The following SPATA9 variants were observed in gnomAD, a reference collection of about 807,000 sequenced individuals.
SPATA9 encodes spermatogenesis associated 9.
A neutral mutation model predicts 25.5 loss-of-function variants in SPATA9; 27 were observed. The observed-to-expected ratio is 1.06, with a 90% CI of 0.78 to 1.46. The LOEUF is 1.46. Ranked by LOEUF, SPATA9 falls within the 40% of genes most tolerant of loss-of-function variation. The probability of loss-of-function intolerance (pLI) is 0.00; values close to 1 mark genes in which losing one functional copy is unlikely to be tolerated. For synonymous variants in SPATA9, 102 were observed against 105.7 expected, an observed-to-expected ratio of 0.97 and a Z score of 0.21; for missense variants, 282 against 297.5, an observed-to-expected ratio of 0.95 and a Z score of 0.38.
the SPATA9 span, among the ~76,000 whole-genome samples, chr5:95,713,887 GT>G: frequency 1.0e-3 from 154 of 151,568 alleles, 4 homozygotes; most frequent in Middle Eastern, 0.014. Flanking sequence ...AATATTTATT[GT>G]TTTATATGCA....
intron 1 of SPATA9, among the ~76,000 whole-genome samples, chr5:95,696,487 C>A (rs1754025182): frequency 6.6e-6 from 1 of 152,056 alleles, no homozygotes; most frequent in Non-Finnish European, 1.5e-5. Flanking sequence ...TAAAGAAAAT[C>A]CTGCTTCACA....
downstream of SPATA9, chr5:95,652,306 C>T: frequency 6.4e-7 from 1 of 1,551,012 alleles, no homozygotes; most frequent in South Asian, 1.2e-5. Context: ...CTTAGACCTT[C>T]TTCCTTATCT....
the SPATA9 span, among the ~76,000 whole-genome samples, chr5:95,724,685 C>T: frequency 1.3e-5 from 2 of 152,098 alleles, no homozygotes; most frequent in African/African-American, 4.8e-5. Flanking sequence ...AGGCTGGTTT[C>T]GAACGCCTGA....
chr5:95,696,861 G>GAAACA (rs1054128978), intron 1 of SPATA9, among the ~76,000 whole-genome samples: 1 of 152,090 alleles, frequency 6.6e-6, no homozygotes, highest in African/African-American at 2.4e-5. Context: ...GTCTCCAAGT[G>GAAACA]AAACAAAACA....
the SPATA9 span, chr5:95,731,868 C>T: frequency 2.7e-5 from 44 of 1,612,890 alleles, no homozygotes; most frequent in South Asian, 4.6e-4. Context: ...GGTCCATCCA[C>T]ATCGTGGCGC....
In SPATA9 at chr5:95,675,885, G is replaced by A. The variant is rs10076466; in HGVS notation, c.151-246C>T. On this transcript the variant is annotated intron_variant, in intron 2 of 4. Coordinates refer to ENST00000274432, the MANE Select transcript of SPATA9 (RefSeq NM_031952.4). The stretch of plus-strand genomic sequence containing the variant: ...GGCCCAGGCTGGAGTGCAATGGCAC[G>A]ATCTCAGCTCACTGCAACCTCTGCC... Among the ~76,000 whole-genome samples the A allele has an allele frequency of 4.4e-3, 614 of 140,372 alleles. 7 individuals carry two copies. The highest frequency in any genetic ancestry group is 0.016 in the African/African-American group (584 of 36,818). The allele number at this position is 140,372 out of a possible 152,430, so 92.1% of individuals were successfully genotyped here.
At position 95,659,913 on chromosome 5, in the gene SPATA9, A is replaced by G. The variant is rs7736839; in HGVS notation, c.475-1000T>C. ...TTTTTGGAAAAGTTTTTCCTCCTAT[A>G]TAGACTGTCTTTTCCCTCTACCTAT... On this transcript the variant is annotated intron_variant, in intron 4 of 4. Coordinates refer to ENST00000274432, the MANE Select transcript of SPATA9 (RefSeq NM_031952.4). 1.7e-3 allele frequency among the ~76,000 whole-genome samples: 264 copies of G among 152,298 alleles called. 1 individual carries two copies. Among genetic ancestry groups the G allele is most frequent in the African/African-American group, 6.1e-3 (254 of 41,558 alleles).
intron 3 of SPATA9, among the ~76,000 whole-genome samples, chr5:95,667,506 T>TAGCA (rs1751940130): frequency 6.6e-6 from 1 of 152,206 alleles, no homozygotes; most frequent in South Asian, 2.1e-4. Context: ...AAGCAGCTGC[T>TAGCA]GCTTTTTCTC....
downstream of SPATA9, chr5:95,653,973 G>T: frequency 9.5e-7 from 1 of 1,049,688 alleles, no homozygotes; most frequent in Non-Finnish European, 1.4e-6. Flanking sequence ...TGAAAAGTCC[G>T]AACTATTCAT....
intron 2 of SPATA9, among the ~76,000 whole-genome samples, chr5:95,680,494 C>T (rs1339208919): frequency 6.6e-6 from 1 of 152,124 alleles, no homozygotes; most frequent in Non-Finnish European, 1.5e-5. Flanking sequence ...CTTTTTCTCT[C>T]CACTTCAATG....
chr5:95,656,061 C>G, downstream of SPATA9: 1 of 1,613,382 alleles, frequency 6.2e-7, no homozygotes, highest in Non-Finnish European at 8.5e-7. Context: ...TGATGGACGA[C>G]CGTGTATAGT....
chr5:95,679,569 G>A (rs1035951967), intron 2 of SPATA9, among the ~76,000 whole-genome samples: 2 of 152,158 alleles, frequency 1.3e-5, no homozygotes, highest in Admixed American at 1.3e-4. Context: ...CTACACTTTA[G>A]TATCACCCCT....
chr5:95,723,523 C>T, the SPATA9 span, among the ~76,000 whole-genome samples: 8 of 152,170 alleles, frequency 5.3e-5, no homozygotes, highest in South Asian at 4.1e-4. Flanking sequence ...TCATGAAGTA[C>T]GTGCAAACTC....
chr5:95,719,852 T>A, the SPATA9 span: 1 of 152,294 alleles, frequency 6.6e-6, no homozygotes, highest in South Asian at 2.1e-4. Context: ...GGAAATGATA[T>A]CTCTCTGTGA....
chr5:95,689,042 A>G (rs778600313), intron 1 of SPATA9, among the ~76,000 whole-genome samples: 1 of 152,194 alleles, frequency 6.6e-6, no homozygotes, highest in Non-Finnish European at 1.5e-5. Flanking sequence ...ATAGACACAC[A>G]TGTTTTATCA....
At chr5:95,686,978 G>A (rs1753764016), upstream of SPATA9, among the ~76,000 whole-genome samples, 1 of 152,186 alleles carries the variant, frequency 6.6e-6, no homozygotes, top group East Asian at 1.9e-4. Context: ...AGGGAAAAGA[G>A]GCATTCTCTC....
chr5:95,722,797 C>T, the SPATA9 span, among the ~76,000 whole-genome samples: 3 of 152,166 alleles, frequency 2.0e-5, no homozygotes, highest in African/African-American at 7.2e-5. Flanking sequence ...AGAGTCTTAT[C>T]GCTTTTCAAG....
At chr5:95,670,796 G>A (rs936187509) in intron 3 of SPATA9, 2 of 962,300 alleles carry the variant, frequency 2.1e-6, no homozygotes, top group African/African-American at 3.5e-5. Context: ...CCAATCCATT[G>A]ACCTCTGCCA....
chr5:95,667,844 G>A (rs950509262), intron 3 of SPATA9, among the ~76,000 whole-genome samples: 4 of 152,104 alleles, frequency 2.6e-5, no homozygotes, highest in African/African-American at 9.7e-5. Context: ...AGTTTCTCAT[G>A]GTTTAACACC....
Sources: gnomAD v4.1 joint callset for allele counts (sites outside exome capture counted in the v4.1 genomes callset) on GRCh38, gnomAD v4.1.1 for gene constraint, MANE v1.5 for transcripts, NCBI Gene and HGNC (gene_info 2026-07-23, HGNC 2026-07-21) for gene names.